The following KLHL29 variants were observed in gnomAD, a reference collection of about 807,000 sequenced individuals.
KLHL29 encodes the protein kelch like family member 29, also known as kelch-like protein 29.
A neutral mutation model predicts 80.4 loss-of-function variants in KLHL29; 21 were observed. That is an observed-to-expected ratio of 0.26 (90% CI 0.19 to 0.38). KLHL29 has a LOEUF of 0.38. Ranked by LOEUF, KLHL29 falls within the 10% of genes least tolerant of loss-of-function variation. The pLI is 1.00. For synonymous variants in KLHL29, 511 were observed against 526.8 expected (o/e 0.97, Z 0.41); for missense variants, 867 against 1,223.9 (o/e 0.71, Z 4.35).
intron 1 of KLHL29, among the ~76,000 whole-genome samples, chr2:23,411,146 G>A (rs1023140636): frequency 2.0e-5 from 3 of 152,190 alleles, no homozygotes; most frequent in Admixed American, 6.5e-5. Context: ...TTATAATGTC[G>A]ATATGACAAA....
intron 5 of KLHL29, among the ~76,000 whole-genome samples, chr2:23,658,773 G>A (rs1670317886): frequency 6.6e-6 from 1 of 152,290 alleles, no homozygotes; most frequent in East Asian, 1.9e-4. Context: ...GGGGACTTTG[G>A]CCTCTGGGAG....
chr2:23,423,350 C>G (rs950068152), intron 1 of KLHL29, among the ~76,000 whole-genome samples: 1 of 152,238 alleles, frequency 6.6e-6, no homozygotes, highest in Non-Finnish European at 1.5e-5. Context: ...GCCTCCCACC[C>G]CAGGGTCTTC....
chr2:23,450,952 T>C (rs944255175), intron 1 of KLHL29, among the ~76,000 whole-genome samples: 4 of 152,242 alleles, frequency 2.6e-5, no homozygotes, highest in African/African-American at 9.6e-5. Context: ...TTTTTTCTTT[T>C]TCACTCAAAC....
rs943431140 is a variant in KLHL29, at chr2:23,385,190, G to C, written c.-744G>C. 8.3e-5 allele frequency: 12 copies of C among 145,214 alleles called. No homozygotes were observed. The South Asian group carries it at 1.6e-3, about 20-fold the overall frequency. The allele number at this position is 145,214 out of a possible 1,614,324, so 9.0% of individuals were successfully genotyped here. ...CTCGCAGCTAAAGCAGACGGTACCC[G>C]GAGCGGAGCGAGCCAGAAGGGAGCA... On this transcript the variant is annotated 5_prime_UTR_variant, in exon 1 of 14. Transcript: ENST00000486442.
At position 23,647,420 on chromosome 2, in the gene KLHL29, T is replaced by G. The variant is rs917635440; in HGVS notation, c.940+4570T>G. 6.6e-6 allele frequency among the ~76,000 whole-genome samples: 1 copy of G among 152,218 alleles called. No homozygotes were observed. The highest frequency in any genetic ancestry group is 6.5e-5 in the Admixed American group (1 of 15,284). ...TGTCTGTGCCTCAGAAATGCCAACATGAATTCATTCAGGGTTCAGACTCAA... is the reference window on the plus strand; with the variant it reads ...TGTCTGTGCCTCAGAAATGCCAACAGGAATTCATTCAGGGTTCAGACTCAA... On this transcript the variant is annotated intron_variant, in intron 5 of 13. Coordinates refer to ENST00000486442, the MANE Select transcript of KLHL29 (RefSeq NM_052920.2). This position sits in a 1 kb window ranked among gnomAD's most constrained non-coding sequence, Gnocchi z 4.9.
In KLHL29 at chr2:23,647,993, A is replaced by ACCCACCAGGGTTCTGTGACTTC. The variant is rs1360970540; in HGVS notation, c.940+5147_940+5168dup. Among the ~76,000 whole-genome samples the ACCCACCAGGGTTCTGTGACTTC allele has an allele frequency of 6.6e-6, 1 of 152,012 alleles. No homozygotes were observed. ...GGCACAAAGCACTGAGCTGAGAATC[A>ACCCACCAGGGTTCTGTGACTTC]CCCACCAGGGTTCTGTGACTTCCCC... On this transcript the variant is annotated intron_variant, in intron 5 of 13. Coordinates refer to ENST00000486442, the MANE Select transcript of KLHL29 (RefSeq NM_052920.2). This position sits in a 1 kb window ranked among gnomAD's most constrained non-coding sequence, Gnocchi z 4.9.
chr2:23,517,376 C>T (rs1709297), intron 2 of KLHL29, among the ~76,000 whole-genome samples: 89,128 of 151,924 alleles, frequency 0.59, 27,303 homozygotes, highest in Non-Finnish European at 0.69. Context: ...AACGCCGTCT[C>T]TACTAAAAAT....
At chr2:23,639,726 C>T (rs1442133130) in intron 4 of KLHL29, among the ~76,000 whole-genome samples, 1 of 152,130 alleles carries the variant, frequency 6.6e-6, no homozygotes, top group Non-Finnish European at 1.5e-5. Context: ...TTGGACAGCT[C>T]CAGCCATAAT....
intron 2 of KLHL29, among the ~76,000 whole-genome samples, chr2:23,483,004 G>A (rs1310090350): frequency 2.6e-5 from 4 of 152,288 alleles, no homozygotes; most frequent in East Asian, 1.9e-4. Flanking sequence ...CATGATTAAC[G>A]CGATCAATTC....
rs1359329980 is a variant in KLHL29, at chr2:23,682,039, ATCT to A, written c.941-2355_941-2353del. Reference sequence around the variant, plus strand: ...TCCCACAGGCCCCACCCCACAACTGATCTTCTTGTTCCCTCCCTTCCTGATGTC... The same window carrying A: ...TCCCACAGGCCCCACCCCACAACTGATCTTGTTCCCTCCCTTCCTGATGTC... On this transcript the variant is annotated intron_variant, in intron 5 of 13. Transcript: ENST00000486442. The surrounding 1 kb of genome is among the most constrained non-coding windows in gnomAD (Gnocchi z 4.1). Among the ~76,000 whole-genome samples, 1 of 151,292 alleles carries A rather than the reference ATCT, an allele frequency of 6.6e-6. No homozygotes were observed. Among genetic ancestry groups the A allele is most frequent in the Admixed American group, 6.6e-5 (1 of 15,204 alleles).
intron 5 of KLHL29, among the ~76,000 whole-genome samples, chr2:23,663,301 G>C (rs1240487124): frequency 6.6e-6 from 1 of 152,210 alleles, no homozygotes; most frequent in Non-Finnish European, 1.5e-5. Flanking sequence ...TCCAGGTAGG[G>C]GTCCCCTCCT....
chr2:23,536,595 G>GCT (rs2103481109), intron 2 of KLHL29, among the ~76,000 whole-genome samples: 1 of 152,306 alleles, frequency 6.6e-6, no homozygotes, highest in African/African-American at 2.4e-5. Flanking sequence ...AGGAGAGAGA[G>GCT]CTCGGCACAG....
intron 1 of KLHL29, among the ~76,000 whole-genome samples, chr2:23,433,112 T>C (rs925482359): frequency 1.3e-5 from 2 of 152,216 alleles, no homozygotes; most frequent in African/African-American, 2.4e-5. Flanking sequence ...CGGTGCCCCT[T>C]CTGGTGGCAG....
At chr2:23,541,717 C>T (rs1666839270) in intron 2 of KLHL29, among the ~76,000 whole-genome samples, 1 of 149,724 alleles carries the variant, frequency 6.7e-6, no homozygotes, top group Non-Finnish European at 1.5e-5. Flanking sequence ...TCAAGTCCCT[C>T]GCAATCGAAA....
chr2:23,609,941 C>T (rs1484506244), intron 3 of KLHL29, among the ~76,000 whole-genome samples: 1 of 152,176 alleles, frequency 6.6e-6, no homozygotes, highest in Admixed American at 6.5e-5. Context: ...CCATGGTCCA[C>T]ACTACTGTCT....
chr2:23,495,232 G>A (rs933315207), intron 2 of KLHL29, among the ~76,000 whole-genome samples: 8 of 152,146 alleles, frequency 5.3e-5, no homozygotes, highest in African/African-American at 1.2e-4. Context: ...GTGAGGGCCT[G>A]CAGGAGGTGG....
chr2:23,576,075 C>T (rs1013511219), intron 3 of KLHL29, among the ~76,000 whole-genome samples: 11 of 152,134 alleles, frequency 7.2e-5, no homozygotes, highest in South Asian at 2.1e-4. Context: ...GAGGCCGAGG[C>T]GGGTGGATCA....
intron 2 of KLHL29, among the ~76,000 whole-genome samples, chr2:23,514,116 C>T (rs541361519): frequency 2.4e-4 from 36 of 152,304 alleles, no homozygotes; most frequent in Non-Finnish European, 4.3e-4. Context: ...TTTGGACAGC[C>T]AGAAATTGTA....
intron 1 of KLHL29, among the ~76,000 whole-genome samples, chr2:23,422,784 G>C (rs1182114765): frequency 1.3e-5 from 2 of 152,168 alleles, no homozygotes; most frequent in African/African-American, 2.4e-5. Context: ...GTGTGCCTGT[G>C]TGTGTGTTCG....
Sources: gnomAD v4.1 joint callset for allele counts (sites outside exome capture counted in the v4.1 genomes callset) on GRCh38, gnomAD v4.1.1 for gene constraint, Gnocchi (gnomAD v3.1) non-coding constraint, MANE v1.5 for transcripts, NCBI Gene and HGNC (gene_info 2026-07-23, HGNC 2026-07-21) for gene names.